Variants in LMX1B observed in about 807,000 individuals in gnomAD.
LMX1B encodes LIM homeobox transcription factor 1 beta.
Under a neutral mutation model 51.4 loss-of-function variants are expected in LMX1B, and 12 were observed. The ratio of observed to expected loss-of-function variants is 0.23; its 90% CI spans 0.15 to 0.38. The LOEUF is 0.38. Among genes scored for constraint, LMX1B ranks in the 10% least tolerant of loss-of-function variants. LMX1B has a pLI of 1.00. For missense variants in LMX1B, 445 were observed against 571.1 expected (o/e 0.78, Z 2.25); for synonymous variants, 237 against 235.4 (o/e 1.01, Z -0.06).
chr9:126,671,082 C>A lies in LMX1B; in HGVS notation c.327-19754C>A, dbSNP rs147143748. 9.9e-5 allele frequency among the ~76,000 whole-genome samples: 15 copies of A among 152,214 alleles called. No individual in the cohort carries two copies. The East Asian group carries it at 2.1e-3, about 22-fold the overall frequency. ...GCAGAGAAGGGGGCAAGAGAACTAT[C>A]AGCTGGGACACCTCCCATACTCTCC... On this transcript the variant is annotated intron_variant, in intron 2 of 7. Transcript: ENST00000373474. This position sits in a 1 kb window ranked among gnomAD's most constrained non-coding sequence, Gnocchi z 4.4.
intron 2 of LMX1B, among the ~76,000 whole-genome samples, chr9:126,669,425 T>G (rs991962492): frequency 6.6e-6 from 1 of 152,180 alleles, no homozygotes; most frequent in Non-Finnish European, 1.5e-5. Context: ...GAGAAAAGTT[T>G]CCTTCGGGTC....
intron 2 of LMX1B, among the ~76,000 whole-genome samples, chr9:126,634,273 C>A (rs1226073000): frequency 6.6e-6 from 1 of 152,196 alleles, no homozygotes; most frequent in Non-Finnish European, 1.5e-5. Context: ...AAGCCCGGGA[C>A]TGGAAAGCCT....
At chr9:126,645,707 G>A (rs984295031) in intron 2 of LMX1B, among the ~76,000 whole-genome samples, 4 of 152,142 alleles carry the variant, frequency 2.6e-5, no homozygotes, top group African/African-American at 9.7e-5. Context: ...AGGGGATGAT[G>A]TCTCTGGAGA....
At chr9:126,670,291 C>T (rs1269466129) in intron 2 of LMX1B, among the ~76,000 whole-genome samples, 1 of 152,220 alleles carries the variant, frequency 6.6e-6, no homozygotes, top group Non-Finnish European at 1.5e-5. Flanking sequence ...CGGGTGGACA[C>T]GTGTGCATGT....
At chr9:126,691,111 G>A (rs751518716) in intron 3 of LMX1B, 43 bp downstream of exon 3, 1 of 1,501,400 alleles carries the variant, frequency 6.7e-7, no homozygotes, top group Non-Finnish European at 9.1e-7. Flanking sequence ...AGGGACGGGG[G>A]TTGCTGGGGT....
intron 2 of LMX1B, among the ~76,000 whole-genome samples, chr9:126,647,576 A>G (rs949502255): frequency 1.3e-5 from 2 of 152,168 alleles, no homozygotes; most frequent in African/African-American, 4.8e-5. Context: ...CTTTCACTCA[A>G]ATCTGCCTGG....
intron 2 of LMX1B, among the ~76,000 whole-genome samples, chr9:126,678,289 G>A (rs1280224189): frequency 1.4e-5 from 2 of 142,314 alleles, no homozygotes; most frequent in South Asian, 2.2e-4. Context: ...CAGCCTGGGC[G>A]ACAGAGCGAG....
In LMX1B at chr9:126,625,896, G is replaced by T. The variant is rs1343164964; in HGVS notation, c.326+10327G>T. ...CCGAGGCTTGGGCTTTAGCCGTGGC[G>T]CTCGCCTCGGCGCAGTGGGGAGCCG... On this transcript the variant is annotated intron_variant, in intron 2 of 7. Transcript: ENST00000373474. The surrounding 1 kb of genome is among the most constrained non-coding windows in gnomAD (Gnocchi z 5.3). Among the ~76,000 whole-genome samples, 1 of 152,224 alleles carries T rather than the reference G, an allele frequency of 6.6e-6. No individual in the cohort carries two copies. Among genetic ancestry groups the T allele is most frequent in the Non-Finnish European group, 1.5e-5 (1 of 68,034 alleles).
At chr9:126,668,119 CAGA>C (rs1320418628) in intron 2 of LMX1B, among the ~76,000 whole-genome samples, 1 of 152,056 alleles carries the variant, frequency 6.6e-6, no homozygotes, top group Non-Finnish European at 1.5e-5. Context: ...AAACGGAGGG[CAGA>C]AGAAGAGCTG....
intron 2 of LMX1B, among the ~76,000 whole-genome samples, chr9:126,687,530 G>A (rs952855421): frequency 6.6e-6 from 1 of 152,174 alleles, no homozygotes; most frequent in East Asian, 1.9e-4. Flanking sequence ...GCGCTGGCCT[G>A]ATCATTCCCA....
At chr9:126,631,380 G>A (rs779849696) in intron 2 of LMX1B, among the ~76,000 whole-genome samples, 1 of 152,246 alleles carries the variant, frequency 6.6e-6, no homozygotes, top group Non-Finnish European at 1.5e-5. Flanking sequence ...TGCTTGGGGA[G>A]TGCTCGTGGC....
chr9:126,643,872 T>C (rs770217000), intron 2 of LMX1B, among the ~76,000 whole-genome samples: 5 of 152,216 alleles, frequency 3.3e-5, no homozygotes, highest in Non-Finnish European at 5.9e-5. Flanking sequence ...TCTCATTGAA[T>C]TGTCACAGTA....
chr9:126,670,163 T>A (rs545733050), intron 2 of LMX1B, among the ~76,000 whole-genome samples: 1 of 152,102 alleles, frequency 6.6e-6, no homozygotes, highest in African/African-American at 2.4e-5. Context: ...CCCAGAGCAG[T>A]CACCTGATGC....
intron 2 of LMX1B, among the ~76,000 whole-genome samples, chr9:126,621,942 C>T (rs186279260): frequency 1.3e-5 from 2 of 152,238 alleles, no homozygotes; most frequent in South Asian, 4.2e-4. Context: ...TTCCTCTCTG[C>T]CCTTTACCTT....
chr9:126,669,025 C>T (rs539715025), intron 2 of LMX1B, among the ~76,000 whole-genome samples: 4 of 152,246 alleles, frequency 2.6e-5, no homozygotes, highest in East Asian at 1.9e-4. Context: ...GAAATGGACA[C>T]GGAAGCAGCA....
intron 2 of LMX1B, among the ~76,000 whole-genome samples, chr9:126,670,426 T>C (rs1836428233): frequency 6.6e-6 from 1 of 152,226 alleles, no homozygotes; most frequent in Non-Finnish European, 1.5e-5. Flanking sequence ...TGTGAGTGTA[T>C]GTGGCCAGTA....
Position 126,682,034 on chromosome 9 carries a change from T to C in LMX1B, c.327-8802T>C, listed in dbSNP as rs376054046. Among the ~76,000 whole-genome samples the C allele has an allele frequency of 1.5e-3, 211 of 137,494 alleles. 2 individuals carry two copies. Among genetic ancestry groups the C allele is most frequent in the Middle Eastern group, 7.5e-3 (2 of 266 alleles). 90.2% of individuals were successfully genotyped at this position (137,494 alleles called of 152,430 possible). ...ACCTGCACCTTGTCCCCATCACTCA[T>C]CTGCTCCAGCCACACCCCAGATACT... On this transcript the variant is annotated intron_variant, in intron 2 of 7. Transcript: ENST00000373474.
intron 2 of LMX1B, among the ~76,000 whole-genome samples, chr9:126,642,528 G>A (rs1034907537): frequency 5.9e-5 from 9 of 152,166 alleles, no homozygotes; most frequent in Admixed American, 2.6e-4. Context: ...GTCATCCCCC[G>A]AAGAGCCACC....
At chr9:126,637,032 G>A (rs1835725845) in intron 2 of LMX1B, among the ~76,000 whole-genome samples, 1 of 152,332 alleles carries the variant, frequency 6.6e-6, no homozygotes, top group East Asian at 1.9e-4. Flanking sequence ...CCTGGCATAG[G>A]ACACCTTGCA....
Sources: gnomAD v4.1 joint callset for allele counts (sites outside exome capture counted in the v4.1 genomes callset) on GRCh38, gnomAD v4.1.1 for gene constraint, Gnocchi (gnomAD v3.1) non-coding constraint, MANE v1.5 for transcripts, NCBI Gene and HGNC (gene_info 2026-07-23, HGNC 2026-07-21) for gene names.